ARHGAP10: variants seen among roughly 807,000 people sequenced by gnomAD.
ARHGAP10 encodes Rho GTPase activating protein 10.
Under a neutral mutation model 108.6 loss-of-function variants are expected in ARHGAP10, and 87 were observed. The observed-to-expected ratio is 0.80, with a 90% CI of 0.67 to 0.96. The LOEUF is 0.96. Among genes scored for constraint, ARHGAP10 ranks in the 40% least tolerant of loss-of-function variants. The pLI is 0.00. For synonymous variants in ARHGAP10, 347 were observed against 341.1 expected (o/e 1.02, Z -0.19); for missense variants, 939 against 954.5 (o/e 0.98, Z 0.21).
At chr4:147,867,137 A>C (rs1278052875) in intron 7 of ARHGAP10, among the ~76,000 whole-genome samples, 1 of 152,202 alleles carries the variant, frequency 6.6e-6, no homozygotes, top group Admixed American at 6.5e-5. Context: ...TTGAATTTAT[A>C]ATGCACTACT....
At chr4:147,878,086 A>G (rs752308665) in intron 8 of ARHGAP10, among the ~76,000 whole-genome samples, 82 of 148,414 alleles carry the variant, frequency 5.5e-4, no homozygotes, top group Middle Eastern at 3.5e-3. Context: ...ACAGGCACGC[A>G]CCACCACGCC....
At chr4:147,928,365 ACTGT>A (rs1269548571) in intron 13 of ARHGAP10, among the ~76,000 whole-genome samples, 1 of 152,224 alleles carries the variant, frequency 6.6e-6, no homozygotes. Flanking sequence ...TACGTGCCAA[ACTGT>A]CTGGTTTCTG....
chr4:147,956,818 A>T (rs1223230987), intron 16 of ARHGAP10, among the ~76,000 whole-genome samples: 5 of 150,046 alleles, frequency 3.3e-5, no homozygotes, highest in African/African-American at 1.2e-4. Flanking sequence ...CAGGTTAGTT[A>T]CATATGTTTT....
intron 1 of ARHGAP10, among the ~76,000 whole-genome samples, chr4:147,793,322 T>TA (rs56995861): frequency 0.017 from 579 of 33,982 alleles, 1 homozygote; most frequent in Middle Eastern, 0.067. Flanking sequence ...ATATATATAT[T>TA]TTTTTTTTTT....
At chr4:147,821,861 C>G (rs1732509292) in intron 1 of ARHGAP10, among the ~76,000 whole-genome samples, 1 of 152,216 alleles carries the variant, frequency 6.6e-6, no homozygotes, top group African/African-American at 2.4e-5. Flanking sequence ...ACTGCTCAGG[C>G]CATGGCCTTT....
At chr4:147,795,404 G>T (rs1453101962) in intron 1 of ARHGAP10, among the ~76,000 whole-genome samples, 1 of 152,060 alleles carries the variant, frequency 6.6e-6, no homozygotes, top group Non-Finnish European at 1.5e-5. Context: ...TCTTGGTTCT[G>T]CTGCAGTCAA....
chr4:148,072,113 C>G lies in ARHGAP10; in HGVS notation c.*32C>G. ...GCCTCAGAGCCCCTGCTGACCCTGG[C>G]ACCCAGGGACCTGCCTGGGGGCAGA... On this transcript the variant is annotated 3_prime_UTR_variant, in exon 23 of 23. Transcript: ENST00000336498. 6.3e-7 allele frequency: 1 copy of G among 1,586,734 alleles called. No homozygotes were observed. Among genetic ancestry groups the G allele is most frequent in the Non-Finnish European group, 8.6e-7 (1 of 1,163,602 alleles).
At chr4:147,933,901 T>G (rs2126953061) in intron 13 of ARHGAP10, among the ~76,000 whole-genome samples, 1 of 152,298 alleles carries the variant, frequency 6.6e-6, no homozygotes. Context: ...GTTCCCTGAT[T>G]GCAGTGGGAG....
At chr4:147,855,472 GA>G (rs1457129879) in intron 4 of ARHGAP10, among the ~76,000 whole-genome samples, 2 of 152,068 alleles carry the variant, frequency 1.3e-5, no homozygotes, top group Admixed American at 6.6e-5. Flanking sequence ...AGAGCGTAAA[GA>G]AAAATAAAGT....
chr4:147,924,043 T>C (rs1056319887), intron 13 of ARHGAP10, among the ~76,000 whole-genome samples: 1 of 152,206 alleles, frequency 6.6e-6, no homozygotes, highest in African/African-American at 2.4e-5. Flanking sequence ...GAGGACAGTC[T>C]TCTGTGGGAG....
chr4:147,878,478 AG>A (rs1389817080), intron 8 of ARHGAP10, among the ~76,000 whole-genome samples: 1 of 152,204 alleles, frequency 6.6e-6, no homozygotes, highest in Non-Finnish European at 1.5e-5. Context: ...TTAAAGCACT[AG>A]GTGGATTTTT....
intron 5 of ARHGAP10, chr4:147,861,766 C>A (rs1734331382): frequency 6.6e-6 from 1 of 152,358 alleles, no homozygotes; most frequent in Non-Finnish European, 1.5e-5. Context: ...AGGGTTGCTC[C>A]TTCCAACAGC....
At chr4:147,813,159 A>C (rs191448790) in intron 1 of ARHGAP10, among the ~76,000 whole-genome samples, 1 of 152,132 alleles carries the variant, frequency 6.6e-6, no homozygotes, top group Admixed American at 6.5e-5. Flanking sequence ...TTTTAAATAA[A>C]AGAATTGTAT....
intron 20 of ARHGAP10, among the ~76,000 whole-genome samples, chr4:148,056,768 C>G (rs1265749409): frequency 6.6e-6 from 1 of 152,154 alleles, no homozygotes; most frequent in Non-Finnish European, 1.5e-5. Flanking sequence ...ATGACATCTA[C>G]TTAATATAGT....
intron 18 of ARHGAP10, among the ~76,000 whole-genome samples, chr4:147,986,855 T>C (rs1740063016): frequency 6.6e-6 from 1 of 152,144 alleles, no homozygotes; most frequent in African/African-American, 2.4e-5. Flanking sequence ...ATTCACATAG[T>C]TGGTAAGTGG....
rs538148809 is a variant in ARHGAP10 at position 147,772,629 on chromosome 4, A to G, written c.154+40174A>G. Among the ~76,000 whole-genome samples, 292 of 152,388 alleles carry G rather than the reference A, an allele frequency of 1.9e-3. 4 individuals are homozygous for G. The highest frequency in any genetic ancestry group is 6.6e-4 in the Non-Finnish European group (45 of 68,038). On this transcript the variant is annotated intron_variant, in intron 1 of 22. Transcript: ENST00000336498. ...AATCATCTGTCGCCCAGGGAATTCC[A>G]AACAAAAACAGATGAGTTTAAAATC...
chr4:147,990,721 T>C (rs1740239149), intron 18 of ARHGAP10, among the ~76,000 whole-genome samples: 2 of 152,058 alleles, frequency 1.3e-5, no homozygotes, highest in Non-Finnish European at 2.9e-5. Flanking sequence ...GAGCCAAACA[T>C]TGAGTACATA....
At chr4:147,990,500 C>T (rs1740227407) in intron 18 of ARHGAP10, among the ~76,000 whole-genome samples, 1 of 152,140 alleles carries the variant, frequency 6.6e-6, no homozygotes, top group Admixed American at 6.5e-5. Context: ...CGGGCCTCTA[C>T]AGAGGGTCCT....
chr4:147,775,674 C>T (rs758138409), intron 1 of ARHGAP10, among the ~76,000 whole-genome samples: 5 of 152,120 alleles, frequency 3.3e-5, no homozygotes, highest in Non-Finnish European at 5.9e-5. Flanking sequence ...TCTGGCTCTG[C>T]CACTCAGCCT....
Sources: gnomAD v4.1 joint callset for allele counts (sites outside exome capture counted in the v4.1 genomes callset) on GRCh38, gnomAD v4.1.1 for gene constraint, MANE v1.5 for transcripts, NCBI Gene and HGNC (gene_info 2026-07-23, HGNC 2026-07-21) for gene names.